WIZ: variants seen among roughly 807,000 people sequenced by gnomAD.
The protein encoded by WIZ is WIZ zinc finger.
WIZ carries 25 observed loss-of-function variants against 140.2 expected under a neutral mutation model. The ratio of observed to expected loss-of-function variants is 0.18; its 90% CI spans 0.13 to 0.25. The LOEUF (loss-of-function observed/expected upper bound fraction) is 0.25, where lower values mean the gene tolerates loss of function less well. WIZ is among the 10% of genes least tolerant of loss of function. The probability of loss-of-function intolerance (pLI) is 1.00; values close to 1 mark genes in which losing one functional copy is unlikely to be tolerated. For synonymous variants in WIZ, 1,125 were observed against 1,154.3 expected, an observed-to-expected ratio of 0.97 and a Z score of 0.51; for missense variants, 2,231 against 2,632.6, an observed-to-expected ratio of 0.85 and a Z score of 3.34.
chr19:15,420,352 T>C lies in WIZ; in HGVS notation c.*2724A>G, dbSNP rs563601493. The C allele has an allele frequency of 6.6e-6, 1 of 152,394 alleles. No individual in the cohort carries two copies. The highest frequency in any genetic ancestry group is 1.5e-5 in the Non-Finnish European group (1 of 68,036). The allele number at this position is 152,394 out of a possible 1,614,324, so 9.4% of individuals were successfully genotyped here. A position where few individuals can be genotyped will look rare whatever the true frequency, so the allele number is the denominator to read the frequency against. On this transcript the variant is annotated 3_prime_UTR_variant, in exon 13 of 13. Coordinates refer to ENST00000673675, the MANE Select transcript of WIZ (RefSeq NM_001371589.1). ...CTGCCATACGGAACAAAGCCACTTC[T>C]GATGTGTTAAGTGAGCAAACTCCAA...
chr19:15,439,119 ATCCTCC>A lies in WIZ; in HGVS notation c.1869_1874del (p.Glu623_Glu624del), dbSNP rs753448130. ...AATCCATCTCGGAGGTCAGCACTACATCCTCCTCCTCCTCCTCCTCCTCCTCCTCTT... is the reference window on the plus strand; with the variant it reads ...AATCCATCTCGGAGGTCAGCACTACATCCTCCTCCTCCTCCTCCTCCTCTT... On this transcript the variant is annotated inframe_deletion, in exon 4 of 13. Transcript: ENST00000673675. The surrounding 1 kb of genome is among the most constrained non-coding windows in gnomAD (Gnocchi z 7.0). The A allele has an allele frequency of 1.9e-4, 287 of 1,476,930 alleles. 2 individuals carry two copies. In the South Asian group the frequency reaches 2.7e-3, roughly 14 times the overall value. 91.5% of individuals were successfully genotyped at this position (1,476,930 alleles called of 1,614,324 possible).
In WIZ at chr19:15,424,818, C is replaced by A; in HGVS notation, c.5109G>T (p.Lys1703Asn). The A allele has an allele frequency of 6.2e-7, 1 of 1,608,888 alleles. No individual in the cohort carries two copies. The highest frequency in any genetic ancestry group is 8.5e-7 in the Non-Finnish European group (1 of 1,178,518). Residue 1703 changes from lysine to asparagine, a missense_variant, in exon 11 of 13, where the codon AAG (lysine) becomes AAT (asparagine). Around this residue, in one of 15 missense-constraint regions of WIZ, gnomAD observed 299 missense variants for 309.6 expected, o/e 0.97. Coordinates refer to ENST00000673675, the MANE Select transcript of WIZ (RefSeq NM_001371589.1). The surrounding 1 kb of genome is among the most constrained non-coding windows in gnomAD (Gnocchi z 9.7). The part of the protein sequence containing the change: ...YIQGGRPFTK[K>N]FRSAGHGRDS... The stretch of plus-strand genomic sequence containing the variant: ...CACGGCCATGGCCGGCACTGCGGAA[C>A]TTCTTGGTGAAGGGGCGGCCGCCCT...
In WIZ at chr19:15,442,069, C is replaced by T. The variant is rs144122515; in HGVS notation, c.278+607G>A. Among the ~76,000 whole-genome samples, 56 of 152,186 alleles carry T rather than the reference C, an allele frequency of 3.7e-4. No individual in the cohort carries two copies. In the East Asian group the frequency reaches 6.2e-3, roughly 17 times the overall value. On this transcript the variant is annotated intron_variant, in intron 3 of 12. Coordinates refer to ENST00000673675, the MANE Select transcript of WIZ (RefSeq NM_001371589.1). This position sits in a 1 kb window ranked among gnomAD's most constrained non-coding sequence, Gnocchi z 5.5. ...GGGCATGGTGGCAGGTGCCTATAATCCCAGCTACTGGGGAAGCTGAGGCAG... is the reference window on the plus strand; with the variant it reads ...GGGCATGGTGGCAGGTGCCTATAATTCCAGCTACTGGGGAAGCTGAGGCAG...
In WIZ at chr19:15,440,016, C is replaced by T. The variant is rs1454990633; in HGVS notation, c.978G>A (p.Gln326=). 5 of 1,535,736 alleles carry T rather than the reference C, an allele frequency of 3.3e-6. No individual in the cohort carries two copies. The highest frequency in any genetic ancestry group is 1.7e-4 in the Middle Eastern group (1 of 6,012). The part of the protein sequence containing the change: ...PCIECSIYFK[Q]KEHLLEHMSQ... ...TCATGTGCTCCAGGAGGTGCTCCTT[C>T]TGCTTGAAGTAGATGCTGCACTCGA... Residue 326 remains glutamine (Q), a synonymous_variant, in exon 4 of 13, where the codon CAG becomes CAA. Transcript: ENST00000673675. The surrounding 1 kb of genome is among the most constrained non-coding windows in gnomAD (Gnocchi z 6.2).
At chr19:15,436,508 A>T (rs182364029) in intron 5 of WIZ, 20 of 348,846 alleles carry the variant, frequency 5.7e-5, no homozygotes, top group Middle Eastern at 1.5e-3. Flanking sequence ...TCATGTTTGT[A>T]AAGTGCTTAG....
rs1396031910 is a variant in WIZ at position 15,440,127 on chromosome 19, G to A, written c.867C>T (p.Tyr289=). The part of the protein sequence containing the change: ...PLLPPIRTGP[Y]LCELLEEVAE... ...CCACCTCCTCCAGCAGCTCACACAG[G>A]TAGGGCCCGGTCCGGATCGGGGGCA... The change falls in exon 4 of 13, where the codon TAC becomes TAT. Residue 289 remains tyrosine (Y), a synonymous_variant. Coordinates refer to ENST00000673675, the MANE Select transcript of WIZ (RefSeq NM_001371589.1). The surrounding 1 kb of genome is among the most constrained non-coding windows in gnomAD (Gnocchi z 6.2). 7 of 1,533,594 alleles carry A rather than the reference G, an allele frequency of 4.6e-6. No homozygotes were observed. Among genetic ancestry groups the A allele is most frequent in the Non-Finnish European group, 6.1e-6 (7 of 1,145,748 alleles). The allele number at this position is 1,533,594 out of a possible 1,614,324, so 95.0% of individuals were successfully genotyped here.
At chr19:15,438,239 A>T (rs560700907) in intron 4 of WIZ, among the ~76,000 whole-genome samples, 1 of 152,340 alleles carries the variant, frequency 6.6e-6, no homozygotes, top group East Asian at 1.9e-4. Flanking sequence ...GAACTCCAAG[A>T]GTCCAAGAAC....
intron 9 of WIZ, among the ~76,000 whole-genome samples, chr19:15,426,669 T>C (rs1338497393): frequency 6.6e-6 from 1 of 152,230 alleles, no homozygotes; most frequent in Admixed American, 6.5e-5. Context: ...ACATCACTAA[T>C]GGATCCCCGC....
At chr19:15,449,662 CAGGCCCCGCCCCTGA>C (rs1286754121) in intron 1 of WIZ, 121 bp downstream of exon 1, 7 of 146,706 alleles carry the variant, frequency 4.8e-5, no homozygotes, top group African/African-American at 9.9e-5. Flanking sequence ...CGCCCCCGGC[CAGGCCCCGCCCCTGA>C]AGGCCCCGCC....
chr19:15,424,875 G>A lies in WIZ; in HGVS notation c.5052C>T (p.Pro1684=). The change falls in exon 11 of 13, where the codon CCC becomes CCT. Residue 1684 remains proline (P), a synonymous_variant. Transcript: ENST00000673675. The surrounding 1 kb of genome is among the most constrained non-coding windows in gnomAD (Gnocchi z 9.7). The part of the protein sequence containing the change: ...ETLSEWIKHR[P]QKVGAYRSYI... ...AGCTGCGGTAGGCGCCCACCTTCTGGGGCCGGTGTTTGATCCACTCGCTCA... is the reference window on the plus strand; with the variant it reads ...AGCTGCGGTAGGCGCCCACCTTCTGAGGCCGGTGTTTGATCCACTCGCTCA... 1 of 1,611,134 alleles carries A rather than the reference G, an allele frequency of 6.2e-7. No homozygotes were observed. Among genetic ancestry groups the A allele is most frequent in the Non-Finnish European group, 8.5e-7 (1 of 1,179,484 alleles).
chr19:15,429,496 C>A, intron 7 of WIZ, 90 bp downstream of exon 7: 1 of 1,092,778 alleles, frequency 9.2e-7, no homozygotes, highest in Non-Finnish European at 1.2e-6. Flanking sequence ...CCCCACCCAC[C>A]CTGGGCCCTG....
Position 15,428,050 on chromosome 19 carries a change from C to G in WIZ, c.3814+60G>C. On this transcript the variant is annotated intron_variant, in intron 8 of 12. Transcript: ENST00000673675. This position sits in a 1 kb window ranked among gnomAD's most constrained non-coding sequence, Gnocchi z 6.4. Reference sequence around the variant, plus strand: ...CCAGCAGGGAGGGGGCTGTGACCCCCCCCCCGGGAGGGGCTCCAGGGCCCG... The same window carrying G: ...CCAGCAGGGAGGGGGCTGTGACCCCGCCCCCGGGAGGGGCTCCAGGGCCCG... The G allele has an allele frequency of 6.6e-7, 1 of 1,514,644 alleles. No homozygotes were observed. 93.8% of individuals were successfully genotyped at this position (1,514,644 alleles called of 1,614,324 possible). A position where few individuals can be genotyped will look rare whatever the true frequency, so the allele number is the denominator to read the frequency against.
Position 15,424,163 on chromosome 19 carries a change from C to T in WIZ, c.5510+20G>A. 1 of 1,485,584 alleles carries T rather than the reference C, an allele frequency of 6.7e-7. No individual in the cohort carries two copies. The highest frequency in any genetic ancestry group is 8.9e-7 in the Non-Finnish European group (1 of 1,118,396). 92.0% of individuals were successfully genotyped at this position (1,485,584 alleles called of 1,614,324 possible). On this transcript the variant is annotated intron_variant, in intron 12 of 12. Coordinates refer to ENST00000673675, the MANE Select transcript of WIZ (RefSeq NM_001371589.1). The surrounding 1 kb of genome is among the most constrained non-coding windows in gnomAD (Gnocchi z 9.7). ...AGGTCCACTCAGGTGGTCTCCCTCC[C>T]TCCCCCAGGGGCAGCCTACCTGCAT... is the stretch of plus-strand genomic sequence containing the variant.
chr19:15,442,593 T>C lies in WIZ; in HGVS notation c.278+83A>G, dbSNP rs1969784040. On this transcript the variant is annotated intron_variant, in intron 3 of 12. Coordinates refer to ENST00000673675, the MANE Select transcript of WIZ (RefSeq NM_001371589.1). This position sits in a 1 kb window ranked among gnomAD's most constrained non-coding sequence, Gnocchi z 5.5. The stretch of plus-strand genomic sequence containing the variant: ...CTGATTCCCTCCTGTCCCCTTCTCA[T>C]TCCCCAGGGGCTTATCTGAGGCCTG... 1 of 1,067,958 alleles carries C rather than the reference T, an allele frequency of 9.4e-7. No homozygotes were observed. The allele number at this position is 1,067,958 out of a possible 1,614,324, so 66.2% of individuals were successfully genotyped here.
intron 5 of WIZ, among the ~76,000 whole-genome samples, chr19:15,431,614 G>C (rs772555554): frequency 8.5e-5 from 13 of 152,292 alleles, no homozygotes; most frequent in Non-Finnish European, 1.5e-4. Context: ...GAGCCAGGGA[G>C]CCAGGGACAG....
At position 15,429,992 on chromosome 19, in the gene WIZ, C is replaced by T; in HGVS notation, c.3009G>A (p.Val1003=). ...HARSHLRQLG[V]AESESSGAPI... ...GTGCGCCGCTGCTTTCCGACTCTGCCACTCCCAGCTGCCGCAGGTGGGAGC... is the reference window on the plus strand; with the variant it reads ...GTGCGCCGCTGCTTTCCGACTCTGCTACTCCCAGCTGCCGCAGGTGGGAGC... The change falls in exon 7 of 13, where the codon GTG becomes GTA. Residue 1003 remains valine (V), a synonymous_variant. Transcript: ENST00000673675. The T allele has an allele frequency of 6.5e-7, 1 of 1,536,012 alleles. No homozygotes were observed. The highest frequency in any genetic ancestry group is 2.0e-5 in the Admixed American group (1 of 51,002).
rs74631993 is a variant in WIZ at position 15,442,201 on chromosome 19, G to A, written c.278+475C>T. ...GACTTTCTCAAAAAAAAAAAAAAAA[G>A]ATGACTATGACTTATTAGCACCTGC... On this transcript the variant is annotated intron_variant, in intron 3 of 12. Transcript: ENST00000673675. The surrounding 1 kb of genome is among the most constrained non-coding windows in gnomAD (Gnocchi z 5.5). Among the ~76,000 whole-genome samples the A allele has an allele frequency of 1.4e-5, 2 of 145,896 alleles. No homozygotes were observed. Among genetic ancestry groups the A allele is most frequent in the East Asian group, 2.0e-4 (1 of 4,924 alleles).
In WIZ at chr19:15,438,704, A is replaced by G. The variant is rs1190981187; in HGVS notation, c.2290T>C (p.Leu764=). The G allele has an allele frequency of 6.5e-7, 1 of 1,536,166 alleles. No individual in the cohort carries two copies. Among genetic ancestry groups the G allele is most frequent in the African/African-American group, 1.4e-5 (1 of 73,188 alleles). The change falls in exon 4 of 13, where the codon TTG becomes CTG. Residue 764 remains leucine, a synonymous_variant. Transcript: ENST00000673675. Reference sequence around the variant, plus strand: ...AGGTGGCCCCGGACGTGGTTGGCCAAGCCGATGCCGTTGTGGAAGCGATCG... The same window carrying G: ...AGGTGGCCCCGGACGTGGTTGGCCAGGCCGATGCCGTTGTGGAAGCGATCG... ...CPDRFHNGIG[L]ANHVRGHLNR... is the part of the protein sequence containing the mutation.
intron 2 of WIZ, 44 bp downstream of exon 2, chr19:15,448,059 A>G: frequency 6.2e-7 from 1 of 1,604,396 alleles, no homozygotes. Flanking sequence ...GCCTTGGGGA[A>G]TGGGCTGGAT....
Sources: gnomAD v4.1 joint callset for allele counts (sites outside exome capture counted in the v4.1 genomes callset) on GRCh38, gnomAD v4.1.1 for gene constraint, gnomAD v4.1.1 regional missense constraint, Gnocchi (gnomAD v3.1) non-coding constraint, MANE v1.5 for transcripts, NCBI Gene and HGNC (gene_info 2026-07-23, HGNC 2026-07-21) for gene names.